ACTN2: variants seen among roughly 807,000 people sequenced by gnomAD.
ACTN2 encodes alpha-actinin-2.
A neutral mutation model predicts 113.8 loss-of-function variants in ACTN2; 39 were observed. That is an observed-to-expected ratio of 0.34 (90% confidence interval 0.27 to 0.45). The LOEUF is 0.45. Among genes scored for constraint, ACTN2 ranks in the 20% least tolerant of loss-of-function variants. ACTN2 has a pLI of 1.00. For synonymous variants in ACTN2, 429 were observed against 444.1 expected (o/e 0.97, Z 0.43); for missense variants, 992 against 1,177.9 (o/e 0.84, Z 2.31).
rs1023645185 is a variant in ACTN2 at position 236,747,844 on chromosome 1, T to G, written c.1515+69T>G. The stretch of plus-strand genomic sequence containing the variant: ...AAGCTCTTTAATTAAATCACTGGTA[T>G]TCATTGTGTGTTTCTCTGTGGCATG... On this transcript the variant is annotated intron_variant, in intron 13 of 20. Coordinates refer to ENST00000366578, the MANE Select transcript of ACTN2 (RefSeq NM_001103.4). The G allele has an allele frequency of 1.3e-5, 16 of 1,194,730 alleles. No individual in the cohort carries two copies. The African/African-American group carries it at 1.5e-4, about 11-fold the overall frequency. 74.0% of individuals were successfully genotyped at this position (1,194,730 alleles called of 1,614,324 possible).
At position 236,694,220 on chromosome 1, in the gene ACTN2, CTTTTTTT is replaced by C. The variant is rs540449597; in HGVS notation, c.126+7431_126+7437del. ...GCACTGACATTTTTTTTTTTCTTTT[CTTTTTTT>C]TTTTTTTTTGAGACGGAGTTTCACT... is the stretch of plus-strand genomic sequence containing the variant. On this transcript the variant is annotated intron_variant, in intron 1 of 20. Transcript: ENST00000366578. Among the ~76,000 whole-genome samples, 4 of 134,430 alleles carry C rather than the reference CTTTTTTT, an allele frequency of 3.0e-5. No individual in the cohort carries two copies. In the Admixed American group the frequency reaches 3.0e-4, roughly 10 times the overall value. The allele number at this position is 134,430 out of a possible 152,430, so 88.2% of individuals were successfully genotyped here. A position where few individuals can be genotyped will look rare whatever the true frequency, so the allele number is the denominator to read the frequency against.
intron 1 of ACTN2, among the ~76,000 whole-genome samples, chr1:236,711,642 G>C (rs770329089): frequency 1.3e-5 from 2 of 152,204 alleles, no homozygotes; most frequent in African/African-American, 2.4e-5. Context: ...GAGCCACCAC[G>C]CTTGGCCAGG....
chr1:236,715,155 CTTT>C (rs5781921), intron 1 of ACTN2, among the ~76,000 whole-genome samples: 1,729 of 143,200 alleles, frequency 0.012, 34 homozygotes, highest in African/African-American at 0.041. Flanking sequence ...TTTCTTTTTC[CTTT>C]TTTTTTTTTT....
chr1:236,712,735 G>T (rs887515591), intron 1 of ACTN2, among the ~76,000 whole-genome samples: 3 of 152,094 alleles, frequency 2.0e-5, no homozygotes, highest in African/African-American at 7.2e-5. Flanking sequence ...GGAAGCTTGG[G>T]ATTTCATGAG....
At chr1:236,737,077 A>T in intron 8 of ACTN2, 45 bp from the exon 9 acceptor site, 1 of 1,520,094 alleles carries the variant, frequency 6.6e-7, no homozygotes, top group Non-Finnish European at 9.1e-7. Flanking sequence ...GTGTGTGCGC[A>T]TTCCCGTCGA....
chr1:236,698,527 C>G (rs1657584390), intron 1 of ACTN2, among the ~76,000 whole-genome samples: 1 of 152,100 alleles, frequency 6.6e-6, no homozygotes, highest in Admixed American at 6.5e-5. Flanking sequence ...AAATACAAAC[C>G]ATGCGTTTTG....
chr1:236,708,062 C>G (rs972753564), intron 1 of ACTN2, among the ~76,000 whole-genome samples: 2 of 152,008 alleles, frequency 1.3e-5, no homozygotes, highest in African/African-American at 4.8e-5. Context: ...GATGAGCTGA[C>G]TTGTCCACAC....
At chr1:236,760,902 A>G in intron 19 of ACTN2, 113 bp from the exon 20 acceptor site, 1 of 1,344,132 alleles carries the variant, frequency 7.4e-7, no homozygotes, top group Non-Finnish European at 1.1e-6. Flanking sequence ...CGCAGGTAAT[A>G]ATTCAGTTTT....
At chr1:236,734,369 G>A (rs1658802854) in intron 7 of ACTN2, 2 of 1,163,804 alleles carry the variant, frequency 1.7e-6, no homozygotes, top group African/African-American at 1.5e-5. Flanking sequence ...CTCTGAGGAA[G>A]TGCTTAGCAG....
At chr1:236,747,201 C>T (rs1659263110) in intron 12 of ACTN2, among the ~76,000 whole-genome samples, 1 of 152,230 alleles carries the variant, frequency 6.6e-6, no homozygotes, top group South Asian at 2.1e-4. Flanking sequence ...ACGGTTCTCT[C>T]TGTTTAGAAA....
At chr1:236,729,301 G>C (rs767101027) in intron 6 of ACTN2, among the ~76,000 whole-genome samples, 1 of 152,122 alleles carries the variant, frequency 6.6e-6, no homozygotes, top group Admixed American at 6.5e-5. Context: ...TCCAGCCTGG[G>C]CGACAGAGCG....
chr1:236,764,113 C>T lies in ACTN2; in HGVS notation c.*1494C>T, dbSNP rs1006429508. ...CAGCTGGAAATGTAATATTTCCATT[C>T]CAAGCTGTCTGACAGCTTGACTCTT... On this transcript the variant is annotated 3_prime_UTR_variant, in exon 21 of 21. Transcript: ENST00000366578. 4 of 152,186 alleles carry T rather than the reference C, an allele frequency of 2.6e-5. No individual in the cohort carries two copies. Among genetic ancestry groups the T allele is most frequent in the African/African-American group, 9.7e-5 (4 of 41,446 alleles). 9.4% of individuals were successfully genotyped at this position (152,186 alleles called of 1,614,324 possible).
chr1:236,726,261 G>A (rs895473632), intron 5 of ACTN2, among the ~76,000 whole-genome samples: 2 of 152,200 alleles, frequency 1.3e-5, no homozygotes, highest in African/African-American at 4.8e-5. Flanking sequence ...GTACCAGAAG[G>A]ATGCTACTGA....
At chr1:236,728,337 G>T (rs1381004303) in intron 6 of ACTN2, among the ~76,000 whole-genome samples, 1 of 152,106 alleles carries the variant, frequency 6.6e-6, no homozygotes, top group African/African-American at 2.4e-5. Flanking sequence ...TAGAGACGGG[G>T]TTTCACCGTG....
chr1:236,739,561 C>T (rs777105946), intron 10 of ACTN2, 29 bp downstream of exon 10: 243 of 1,609,986 alleles, frequency 1.5e-4, no homozygotes, highest in Middle Eastern at 3.3e-4. Context: ...GCCCTCCTGG[C>T]GCCACGGGAA....
intron 1 of ACTN2, among the ~76,000 whole-genome samples, chr1:236,696,181 C>T (rs1558221704): frequency 6.6e-6 from 1 of 151,910 alleles, no homozygotes; most frequent in African/African-American, 2.4e-5. Flanking sequence ...GTGGTATGCG[C>T]CTGTAATCCC....
chr1:236,738,044 C>T (rs1007363363), intron 9 of ACTN2, among the ~76,000 whole-genome samples: 1 of 152,166 alleles, frequency 6.6e-6, no homozygotes, highest in Non-Finnish European at 1.5e-5. Flanking sequence ...GAGTCTTGCT[C>T]TCTGGCCCAG....
chr1:236,729,869 A>G (rs1351396982), intron 6 of ACTN2, among the ~76,000 whole-genome samples: 1 of 152,236 alleles, frequency 6.6e-6, no homozygotes, highest in African/African-American at 2.4e-5. Flanking sequence ...TTGTATTACA[A>G]AACATCCGTA....
rs112279285 is a variant in ACTN2 at position 236,715,578 on chromosome 1, T to G, written c.127-2280T>G. ...TGACTTGTGCAACTGAGGAGCTAAT[T>G]TTTAAATTTTATTTTAATTAGTCTA... On this transcript the variant is annotated intron_variant, in intron 1 of 20. Transcript: ENST00000366578. 2.4e-3 allele frequency among the ~76,000 whole-genome samples: 366 copies of G among 152,206 alleles called. 1 individual carries two copies. The highest frequency in any genetic ancestry group is 8.3e-3 in the African/African-American group (345 of 41,524).
Sources: allele counts gnomAD v4.1 joint callset (sites outside exome capture counted in the v4.1 genomes callset), GRCh38; gene constraint gnomAD v4.1.1; transcripts MANE v1.5; gene names NCBI Gene and HGNC (gene_info 2026-07-23, HGNC 2026-07-21).